XIRP2: variants seen among roughly 807,000 people sequenced by gnomAD.
XIRP2 encodes the protein xin actin-binding repeat-containing protein 2.
Under a neutral mutation model 277.0 loss-of-function variants are expected in XIRP2, and 236 were observed. The ratio of observed to expected loss-of-function variants is 0.85; its 90% CI spans 0.77 to 0.95. The LOEUF (loss-of-function observed/expected upper bound fraction) is 0.95. Among genes scored for constraint, XIRP2 ranks in the 40% least tolerant of loss-of-function variants. XIRP2 has a pLI of 0.00. For synonymous variants in XIRP2, 1,490 were observed against 1,416.5 expected (o/e 1.05, Z -1.17); for missense variants, 4,640 against 4,157.5 (o/e 1.12, Z -3.19).
rs1695226487 is a variant in XIRP2, at chr2:167,245,527, A to T, written c.4135A>T (p.Ile1379Phe). The part of the protein sequence containing the change: ...YVIKSVTQED[I>F]QKGDVSSVRY... ...TATTAAATCTGTCACACAAGAAGACATTCAGAAGGGAGATGTTAGTTCTGT... is the reference window on the plus strand; with the variant it reads ...TATTAAATCTGTCACACAAGAAGACTTTCAGAAGGGAGATGTTAGTTCTGT... Residue 1379 changes from isoleucine to phenylalanine, a missense_variant, in exon 9 of 11, where the codon ATT becomes TTT. Ile to Phe is a conservative substitution (Grantham distance 21). Transcript: ENST00000409195. 4.3e-6 allele frequency: 7 copies of T among 1,613,540 alleles called. No homozygotes were observed. The highest frequency in any genetic ancestry group is 5.9e-6 in the Non-Finnish European group (7 of 1,179,750).
At chr2:166,911,844 T>C (rs548512765) in intron 2 of XIRP2, among the ~76,000 whole-genome samples, 10 of 152,264 alleles carry the variant, frequency 6.6e-5, no homozygotes, top group African/African-American at 2.4e-4. Flanking sequence ...GTCTGTAAAG[T>C]ATTTTATTTC....
At chr2:167,186,249 T>A (rs1693148894) in intron 3 of XIRP2, among the ~76,000 whole-genome samples, 1 of 152,186 alleles carries the variant, frequency 6.6e-6, no homozygotes, top group African/African-American at 2.4e-5. Context: ...TAGAACACTA[T>A]CTCAGAAAGT....
chr2:167,206,958 A>G (rs1693873842), intron 3 of XIRP2, among the ~76,000 whole-genome samples: 1 of 152,292 alleles, frequency 6.6e-6, no homozygotes, highest in South Asian at 2.1e-4. Context: ...AAGATTGTGA[A>G]CCCAGACACA....
intron 3 of XIRP2, among the ~76,000 whole-genome samples, chr2:167,165,007 C>T (rs1573927297): frequency 6.6e-6 from 1 of 152,140 alleles, no homozygotes; most frequent in Non-Finnish European, 1.5e-5. Flanking sequence ...CCTTCCTCCC[C>T]TCCTCCCAAT....
In XIRP2 at chr2:167,258,160, T is replaced by C. The variant is rs199841580; in HGVS notation, c.*343T>C. On this transcript the variant is annotated 3_prime_UTR_variant, in exon 11 of 11. Transcript: ENST00000409195. ...GGGAAAGGGGAAAATTAAAAGTCAT[T>C]TGGCCTCCTTCCAAGGAGATCCCTA... 844 of 1,612,932 alleles carry C rather than the reference T, an allele frequency of 5.2e-4. 9 individuals are homozygous for C. Among genetic ancestry groups the C allele is most frequent in the Admixed American group, 6.2e-4 (37 of 59,808 alleles).
chr2:167,194,313 T>A (rs763555260), intron 3 of XIRP2, among the ~76,000 whole-genome samples: 5 of 152,066 alleles, frequency 3.3e-5, no homozygotes, highest in Non-Finnish European at 7.4e-5. Flanking sequence ...ACTCCTCACC[T>A]CAGGTTATCC....
At chr2:167,089,445 A>C (rs1385987501) in intron 2 of XIRP2, among the ~76,000 whole-genome samples, 1 of 152,150 alleles carries the variant, frequency 6.6e-6, no homozygotes, top group Non-Finnish European at 1.5e-5. Flanking sequence ...CAGTCATCAC[A>C]CTTCAGCAGC....
intron 2 of XIRP2, among the ~76,000 whole-genome samples, chr2:167,016,179 C>T (rs1441516561): frequency 2.6e-5 from 4 of 151,776 alleles, no homozygotes; most frequent in Non-Finnish European, 5.9e-5. Flanking sequence ...TTCATCTTCC[C>T]CTCCTTTTTC....
In XIRP2 at chr2:167,258,452, A is replaced by C; in HGVS notation, c.*635A>C. On this transcript the variant is annotated 3_prime_UTR_variant, in exon 11 of 11. Coordinates refer to ENST00000409195, the MANE Select transcript of XIRP2 (RefSeq NM_152381.6). Reference sequence around the variant, plus strand: ...AAAAGATGAAAAGAAGGAAGGAAGGAAGAATGTGCAAGATAGGCCGAGTGA... The same window carrying C: ...AAAAGATGAAAAGAAGGAAGGAAGGCAGAATGTGCAAGATAGGCCGAGTGA... 1 of 1,613,314 alleles carries C rather than the reference A, an allele frequency of 6.2e-7. No homozygotes were observed. The highest frequency in any genetic ancestry group is 8.5e-7 in the Non-Finnish European group (1 of 1,179,676).
At chr2:167,115,020 A>C (rs1488458028) in intron 2 of XIRP2, among the ~76,000 whole-genome samples, 1 of 152,148 alleles carries the variant, frequency 6.6e-6, no homozygotes, top group African/African-American at 2.4e-5. Context: ...GAATCGCCAC[A>C]CTGACTTCCA....
At chr2:166,988,413 G>T (rs1687072281) in intron 2 of XIRP2, among the ~76,000 whole-genome samples, 1 of 152,124 alleles carries the variant, frequency 6.6e-6, no homozygotes. Context: ...TTCTGAATTT[G>T]ATCCTGGGCC....
intron 2 of XIRP2, among the ~76,000 whole-genome samples, chr2:167,039,590 ATC>A (rs1688608239): frequency 2.0e-5 from 3 of 152,060 alleles, no homozygotes; most frequent in Admixed American, 2.0e-4. Context: ...CACATACACA[ATC>A]TCACACACAC....
chr2:167,157,355 A>C (rs2105337191), intron 3 of XIRP2, among the ~76,000 whole-genome samples: 1 of 152,276 alleles, frequency 6.6e-6, no homozygotes, highest in East Asian at 1.9e-4. Flanking sequence ...TTTTGACAGA[A>C]TTCACTATTC....
rs374736107 is a variant in XIRP2 at position 167,165,422 on chromosome 2, G to A, written c.562+29360G>A. Among the ~76,000 whole-genome samples the A allele has an allele frequency of 2.6e-5, 4 of 152,184 alleles. 1 individual carries two copies. In the South Asian group the frequency reaches 8.3e-4, roughly 31 times the overall value. On this transcript the variant is annotated intron_variant, in intron 3 of 10. Coordinates refer to ENST00000409195, the MANE Select transcript of XIRP2 (RefSeq NM_152381.6). ...GTTTAGTTTTATAAGAAATCACTAA[G>A]CAGCCTTCCAAAGTGGCTGTACAAT... is the stretch of plus-strand genomic sequence containing the variant.
chr2:167,148,268 G>A (rs1402252904), intron 3 of XIRP2, among the ~76,000 whole-genome samples: 4 of 151,618 alleles, frequency 2.6e-5, no homozygotes, highest in Admixed American at 2.6e-4. Flanking sequence ...TGTAATCCCA[G>A]CTACATGGGA....
At chr2:167,013,651 G>A (rs1266393496) in intron 2 of XIRP2, among the ~76,000 whole-genome samples, 1 of 151,490 alleles carries the variant, frequency 6.6e-6, no homozygotes, top group Non-Finnish European at 1.5e-5. Context: ...TTTTCTATTT[G>A]TCAAGGGACA....
rs116417666 is a variant in XIRP2, at chr2:167,128,222, T to A, written c.409-7687T>A. On this transcript the variant is annotated intron_variant, in intron 2 of 10. Coordinates refer to ENST00000409195, the MANE Select transcript of XIRP2 (RefSeq NM_152381.6). ...CTTCCCTCTAGTCCCCTTCTCACTATCCTAATGTAGGCTTTTTCTATCTCT... is the reference window on the plus strand; with the variant it reads ...CTTCCCTCTAGTCCCCTTCTCACTAACCTAATGTAGGCTTTTTCTATCTCT... Among the ~76,000 whole-genome samples, 1,026 of 152,334 alleles carry A rather than the reference T, an allele frequency of 6.7e-3. 17 individuals carry two copies. Among genetic ancestry groups the A allele is most frequent in the African/African-American group, 0.023 (954 of 41,580 alleles).
chr2:167,001,865 G>A lies in XIRP2; in HGVS notation c.408+97975G>A, dbSNP rs73970212. ...AAGAGATAAGTGAACCATTCTTTCCGATGCTTGAAAAATGTTGTGTAGCAC... is the reference window on the plus strand; with the variant it reads ...AAGAGATAAGTGAACCATTCTTTCCAATGCTTGAAAAATGTTGTGTAGCAC... On this transcript the variant is annotated intron_variant, in intron 2 of 10. Coordinates refer to ENST00000409195, the MANE Select transcript of XIRP2 (RefSeq NM_152381.6). Among the ~76,000 whole-genome samples, 477 of 152,044 alleles carry A rather than the reference G, an allele frequency of 3.1e-3. 3 individuals carry two copies. The highest frequency in any genetic ancestry group is 0.011 in the African/African-American group (452 of 41,542).
intron 2 of XIRP2, among the ~76,000 whole-genome samples, chr2:167,091,441 C>T (rs751410816): frequency 1.3e-5 from 2 of 152,122 alleles, no homozygotes; most frequent in South Asian, 2.1e-4. Context: ...CTAACTTCCT[C>T]TTCAACTATG....
Sources: allele counts gnomAD v4.1 joint callset (sites outside exome capture counted in the v4.1 genomes callset), GRCh38; gene constraint gnomAD v4.1.1; transcripts MANE v1.5; gene names NCBI Gene and HGNC (gene_info 2026-07-23, HGNC 2026-07-21).